Variants in TBL1XR1 observed in about 807,000 individuals in gnomAD.
TBL1XR1 encodes the protein TBL1X/Y related 1.
Under a neutral mutation model 66.9 loss-of-function variants are expected in TBL1XR1, and 5 were observed. That is an observed-to-expected ratio of 0.07 (90% confidence interval 0.04 to 0.16). The LOEUF (loss-of-function observed/expected upper bound fraction) is 0.16, where lower values mean the gene tolerates loss of function less well. Ranked by LOEUF, TBL1XR1 falls within the 10% of genes least tolerant of loss-of-function variation. TBL1XR1 has a pLI of 1.00. For missense variants in TBL1XR1, 238 were observed against 623.2 expected (o/e 0.38, Z 6.58); for synonymous variants, 210 against 206.0 (o/e 1.02, Z -0.17).
intron 1 of TBL1XR1, among the ~76,000 whole-genome samples, chr3:177,158,677 G>A (rs1470532114): frequency 2.0e-5 from 3 of 152,132 alleles, no homozygotes; most frequent in Non-Finnish European, 4.4e-5. Flanking sequence ...TAACCAGGAA[G>A]AGCTAAGAAG....
intron 1 of TBL1XR1, among the ~76,000 whole-genome samples, chr3:177,156,183 A>T (rs1022184998): frequency 3.4e-5 from 5 of 148,996 alleles, no homozygotes; most frequent in Non-Finnish European, 6.0e-5. Context: ...AAAAAAAAAA[A>T]AAAGGCACGA....
At position 177,026,514 on chromosome 3, in the gene TBL1XR1, ATAT is replaced by A. The variant is rs1232927601; in HGVS notation, c.1417-43_1417-41del. On this transcript the variant is annotated intron_variant, in intron 14 of 15. Coordinates refer to ENST00000457928, the MANE Select transcript of TBL1XR1 (RefSeq NM_024665.7). Reference sequence around the variant, plus strand: ...AACAAAATCTTAAAAATCGTAATACATATTATAATAAATCCAAATGCTGAAATA... The same window carrying A: ...AACAAAATCTTAAAAATCGTAATACATATAATAAATCCAAATGCTGAAATA... 5 of 1,391,886 alleles carry A rather than the reference ATAT, an allele frequency of 3.6e-6. No individual in the cohort carries two copies. The South Asian group carries it at 4.2e-5, about 12-fold the overall frequency. 86.2% of individuals were successfully genotyped at this position (1,391,886 alleles called of 1,614,324 possible).
rs1344675215 is a variant in TBL1XR1, at chr3:177,050,008, G to A, written c.691C>T (p.Leu231=). ...ATAGTGATACTCACATTCCAATCTAGAGATGTGACATCCTTGTTGCTTGGA... is the reference window on the plus strand; with the variant it reads ...ATAGTGATACTCACATTCCAATCTAAAGATGTGACATCCTTGTTGCTTGGA... The part of the protein sequence containing the change: ...DVPSNKDVTS[L]DWNSEGTLLA... The change falls in exon 7 of 16, where the codon CTA becomes TTA. Residue 231 remains leucine (L), a synonymous_variant. Transcript: ENST00000457928. 1.1e-5 allele frequency: 17 copies of A among 1,613,428 alleles called. No individual in the cohort carries two copies. The highest frequency in any genetic ancestry group is 1.4e-5 in the Non-Finnish European group (16 of 1,179,710).
Position 177,131,298 on chromosome 3 carries a change from G to A in TBL1XR1, c.-121-32757C>T, listed in dbSNP as rs559095320. On this transcript the variant is annotated intron_variant, in intron 1 of 15. Transcript: ENST00000457928. ...CAAAAGCTATTTGCCTAATCATAAA[G>A]ACCCTTAAGAGAGAGTCCAGGAAAA... 194 of 978,086 alleles carry A rather than the reference G, an allele frequency of 2.0e-4. No individual in the cohort carries two copies. In the African/African-American group the frequency reaches 3.2e-3, roughly 16 times the overall value. 60.6% of individuals were successfully genotyped at this position (978,086 alleles called of 1,614,324 possible).
intron 1 of TBL1XR1, among the ~76,000 whole-genome samples, chr3:177,104,739 A>G (rs553330964): frequency 6.6e-6 from 1 of 152,232 alleles, no homozygotes. Flanking sequence ...CAATTTAAAC[A>G]TGCACTGGTG....
chr3:177,111,728 C>T (rs1489747645), intron 1 of TBL1XR1, among the ~76,000 whole-genome samples: 1 of 152,118 alleles, frequency 6.6e-6, no homozygotes, highest in Non-Finnish European at 1.5e-5. Context: ...AATCTCTTTG[C>T]CATACCCTAT....
At chr3:177,135,374 T>G (rs1449710149) in intron 1 of TBL1XR1, among the ~76,000 whole-genome samples, 4 of 31,466 alleles carry the variant, frequency 1.3e-4, no homozygotes, top group African/African-American at 8.6e-4. Context: ...TATATATATA[T>G]ATATATATGT....
intron 3 of TBL1XR1, among the ~76,000 whole-genome samples, chr3:177,055,002 G>A (rs998340662): frequency 6.6e-6 from 1 of 152,074 alleles, no homozygotes; most frequent in African/African-American, 2.4e-5. Context: ...TCATTAAGTA[G>A]TAATTTCTAT....
In TBL1XR1 at chr3:177,147,047, CT is replaced by C. The variant is rs559312015; in HGVS notation, c.-121-48507del. Among the ~76,000 whole-genome samples the C allele has an allele frequency of 9.7e-3, 1,357 of 140,468 alleles. 1 individual carries two copies. The highest frequency in any genetic ancestry group is 0.016 in the South Asian group (69 of 4,384). The allele number at this position is 140,468 out of a possible 152,430, so 92.2% of individuals were successfully genotyped here. A position where few individuals can be genotyped will look rare whatever the true frequency, so the allele number is the denominator to read the frequency against. On this transcript the variant is annotated intron_variant, in intron 1 of 15. Coordinates refer to ENST00000457928, the MANE Select transcript of TBL1XR1 (RefSeq NM_024665.7). ...TGCTTCATCAAGGAGATTCCTAAGA[CT>C]TTTTTTTTTTTTTTAAGAGATGTAG...
chr3:177,105,972 A>G (rs1259103420), intron 1 of TBL1XR1, among the ~76,000 whole-genome samples: 3 of 152,160 alleles, frequency 2.0e-5, no homozygotes, highest in Non-Finnish European at 2.9e-5. Context: ...AGAGGGAGAA[A>G]TATGTTAATA....
At chr3:177,025,924 TTTGCA>T in intron 15 of TBL1XR1, 1 of 274,622 alleles carries the variant, frequency 3.6e-6, no homozygotes, top group Non-Finnish European at 6.9e-6. Flanking sequence ...GGAAGCCATA[TTTGCA>T]TTGTTGTAAA....
At chr3:177,188,488 A>T (rs1185139732) in intron 1 of TBL1XR1, among the ~76,000 whole-genome samples, 2 of 152,098 alleles carry the variant, frequency 1.3e-5, no homozygotes, top group Non-Finnish European at 2.9e-5. Context: ...TGGAGGGTGC[A>T]GTGAGCCAAA....
intron 3 of TBL1XR1, among the ~76,000 whole-genome samples, chr3:177,061,023 G>GT (rs1718453706): frequency 6.6e-6 from 1 of 152,176 alleles, no homozygotes; most frequent in Admixed American, 6.5e-5. Flanking sequence ...AGGCAGAATG[G>GT]TGAGGACCAA....
chr3:177,072,470 C>CAAA (rs11362981), intron 2 of TBL1XR1, among the ~76,000 whole-genome samples: 80 of 128,930 alleles, frequency 6.2e-4, no homozygotes, highest in African/African-American at 2.2e-3. Context: ...ACTATGCACT[C>CAAA]AAAAAAAAAA....
chr3:177,049,889 A>G, intron 7 of TBL1XR1, 108 bp downstream of exon 7: 1 of 1,302,010 alleles, frequency 7.7e-7, no homozygotes, highest in Non-Finnish European at 1.0e-6. Context: ...GTTACTAGTT[A>G]ATAAAACCCC....
At position 177,177,234 on chromosome 3, in the gene TBL1XR1, G is replaced by A. The variant is rs958913118; in HGVS notation, c.-122+19887C>T. ...TGGGAGTCCAAAGCAGGCGGATCAC[G>A]AGGTCAGGAGTCCGAGACCAGCCTG... On this transcript the variant is annotated intron_variant, in intron 1 of 15. Coordinates refer to ENST00000457928, the MANE Select transcript of TBL1XR1 (RefSeq NM_024665.7). Among the ~76,000 whole-genome samples the A allele has an allele frequency of 2.0e-5, 3 of 152,090 alleles. 1 individual carries two copies. Among genetic ancestry groups the A allele is most frequent in the African/African-American group, 2.4e-5 (1 of 41,406 alleles).
chr3:177,035,600 G>A (rs1032771495), intron 12 of TBL1XR1, among the ~76,000 whole-genome samples: 1 of 152,054 alleles, frequency 6.6e-6, no homozygotes, highest in Non-Finnish European at 1.5e-5. Context: ...ATTTAGCAGA[G>A]ATGGGGTTTC....
rs1712629569 is a variant in TBL1XR1 at position 177,023,312 on chromosome 3, T to A, written c.*2186A>T. ...TCCTGGGAGCACATTTTAAAATTATTGCACAGATTTTTTTAATTTTTATTT... is the reference window on the plus strand; with the variant it reads ...TCCTGGGAGCACATTTTAAAATTATAGCACAGATTTTTTTAATTTTTATTT... On this transcript the variant is annotated 3_prime_UTR_variant, in exon 16 of 16. Transcript: ENST00000457928. The A allele has an allele frequency of 6.6e-6, 1 of 152,538 alleles. No homozygotes were observed. Among genetic ancestry groups the A allele is most frequent in the Admixed American group, 6.5e-5 (1 of 15,268 alleles). 9.4% of individuals were successfully genotyped at this position (152,538 alleles called of 1,614,324 possible).
intron 10 of TBL1XR1, among the ~76,000 whole-genome samples, chr3:177,043,180 G>A (rs1039174321): frequency 1.9e-4 from 29 of 151,970 alleles, no homozygotes; most frequent in Admixed American, 1.7e-3. Flanking sequence ...TCAAGTTATC[G>A]GATAATCTTC....
Sources: gnomAD v4.1 joint callset for allele counts (sites outside exome capture counted in the v4.1 genomes callset) on GRCh38, gnomAD v4.1.1 for gene constraint, MANE v1.5 for transcripts, NCBI Gene and HGNC (gene_info 2026-07-23, HGNC 2026-07-21) for gene names.